PHF14: variants seen among roughly 807,000 people sequenced by gnomAD.
The protein encoded by PHF14 is PHD finger protein 14.
A neutral mutation model predicts 117.9 loss-of-function variants in PHF14; 55 were observed. The ratio of observed to expected loss-of-function variants is 0.47; its 90% CI spans 0.38 to 0.58. PHF14 has a LOEUF of 0.58. Among genes scored for constraint, PHF14 ranks in the 20% least tolerant of loss-of-function variants. PHF14 has a pLI of 0.00. For missense variants in PHF14, 978 were observed against 1,122.2 expected, an observed-to-expected ratio of 0.87 and a Z score of 1.84; for synonymous variants, 409 against 368.6, an observed-to-expected ratio of 1.11 and a Z score of -1.26.
intron 16 of PHF14, chr7:11,104,633 A>G (rs1453594625): frequency 5.1e-6 from 5 of 982,722 alleles, no homozygotes; most frequent in East Asian, 1.1e-4. Flanking sequence ...AAATACAGGA[A>G]GAATGACATA....
At chr7:11,039,326 A>G (rs1245233304) in intron 11 of PHF14, among the ~76,000 whole-genome samples, 1 of 152,044 alleles carries the variant, frequency 6.6e-6, no homozygotes, top group Non-Finnish European at 1.5e-5. Context: ...TTTCAGCTGT[A>G]TAAGAGATGG....
intron 4 of PHF14, among the ~76,000 whole-genome samples, chr7:10,994,163 G>A (rs1037353134): frequency 1.3e-5 from 2 of 151,974 alleles, no homozygotes; most frequent in Non-Finnish European, 2.9e-5. Context: ...TCTCAGCCAA[G>A]CACAATGGCC....
At chr7:11,159,995 G>A (rs1788976567) in intron 17 of PHF14, among the ~76,000 whole-genome samples, 1 of 152,118 alleles carries the variant, frequency 6.6e-6, no homozygotes, top group Non-Finnish European at 1.5e-5. Context: ...GAGTTTTGGG[G>A]TGTGATTCAT....
At chr7:11,143,638 G>T (rs1788460300) in intron 17 of PHF14, among the ~76,000 whole-genome samples, 1 of 151,992 alleles carries the variant, frequency 6.6e-6, no homozygotes, top group Non-Finnish European at 1.5e-5. Context: ...CTTGCATATT[G>T]GTGTATGTTT....
intron 13 of PHF14, among the ~76,000 whole-genome samples, chr7:11,047,740 TG>T (rs1784718395): frequency 3.4e-5 from 5 of 149,126 alleles, no homozygotes; most frequent in Admixed American, 3.4e-4. Context: ...GAGCTGAGAT[TG>T]CGCCAGTGCT....
At chr7:10,986,041 T>C (rs1158832767) in intron 3 of PHF14, among the ~76,000 whole-genome samples, 1 of 152,140 alleles carries the variant, frequency 6.6e-6, no homozygotes, top group Admixed American at 6.5e-5. Context: ...TGATCATGGC[T>C]AACTGCAGCT....
intron 6 of PHF14, among the ~76,000 whole-genome samples, chr7:11,024,745 T>C (rs1783853106): frequency 6.6e-6 from 1 of 152,222 alleles, no homozygotes; most frequent in Non-Finnish European, 1.5e-5. Flanking sequence ...TTCAAAAGAT[T>C]ACTGCTTATC....
chr7:11,109,158 T>C (rs989949353), intron 16 of PHF14: 1 of 151,818 alleles, frequency 6.6e-6, no homozygotes, highest in African/African-American at 2.4e-5. Flanking sequence ...GTTTTAGTGG[T>C]CTGGTTTCTG....
intron 16 of PHF14, among the ~76,000 whole-genome samples, chr7:11,070,665 C>T (rs1785586001): frequency 6.6e-6 from 1 of 152,212 alleles, no homozygotes; most frequent in African/African-American, 2.4e-5. Flanking sequence ...AATCCCATGT[C>T]ATGCTGTGAT....
At chr7:10,996,625 A>G (rs147645544) in intron 4 of PHF14, among the ~76,000 whole-genome samples, 1 of 152,358 alleles carries the variant, frequency 6.6e-6, no homozygotes, top group East Asian at 1.9e-4. Flanking sequence ...AAATGTTTAT[A>G]TCACATGATT....
intron 4 of PHF14, chr7:11,006,344 T>C (rs911551308): frequency 1.6e-5 from 7 of 432,432 alleles, no homozygotes; most frequent in African/African-American, 4.1e-5. Flanking sequence ...TTCTTTTCTT[T>C]TTTTTTCTGG....
At chr7:11,141,567 T>C (rs6945716) in intron 17 of PHF14, among the ~76,000 whole-genome samples, 5 of 152,124 alleles carry the variant, frequency 3.3e-5, no homozygotes, top group African/African-American at 1.2e-4. Flanking sequence ...TATAAATTAT[T>C]TTAAAATGTT....
intron 3 of PHF14, among the ~76,000 whole-genome samples, chr7:10,983,501 G>C (rs1782115285): frequency 6.6e-6 from 1 of 152,100 alleles, no homozygotes; most frequent in Non-Finnish European, 1.5e-5. Flanking sequence ...GGTGCTGAGT[G>C]CATTATGAAA....
intron 6 of PHF14, among the ~76,000 whole-genome samples, chr7:11,025,743 C>T (rs1010174096): frequency 2.0e-5 from 3 of 151,788 alleles, no homozygotes; most frequent in Non-Finnish European, 4.4e-5. Context: ...TGCAGTGAGC[C>T]GAGATCGTGC....
chr7:11,122,107 G>A (rs78923238), intron 17 of PHF14, among the ~76,000 whole-genome samples: 2 of 151,016 alleles, frequency 1.3e-5, no homozygotes, highest in Non-Finnish European at 2.9e-5. Flanking sequence ...TGAGAACATG[G>A]GGTGTTTGGT....
chr7:11,103,802 T>C (rs1787170589), intron 16 of PHF14: 2 of 984,708 alleles, frequency 2.0e-6, no homozygotes, highest in Non-Finnish European at 2.4e-6. Flanking sequence ...TTGGATGAGA[T>C]GTTTGATAAA....
rs761935905 is a variant in PHF14 at position 11,028,825 on chromosome 7, T to G, written c.1455+7T>G. On this transcript the variant is annotated splice_region_variant and intron_variant, in intron 7 of 17. Coordinates refer to ENST00000634607, the MANE Select transcript of PHF14 (RefSeq NM_001007157.2). ...AGAGGCAGCGGCGGAAGAGGTAGGTTTATTTAAACCCATAGTTGGTGAACA... is the reference window on the plus strand; with the variant it reads ...AGAGGCAGCGGCGGAAGAGGTAGGTGTATTTAAACCCATAGTTGGTGAACA... 4.3e-6 allele frequency: 7 copies of G among 1,612,648 alleles called. No individual in the cohort carries two copies. In the African/African-American group the frequency reaches 6.7e-5, roughly 15 times the overall value.
chr7:11,076,567 C>CTTTTTTTTTTTTTTTTTT (rs71023886), intron 16 of PHF14, among the ~76,000 whole-genome samples: 1 of 124,756 alleles, frequency 8.0e-6, no homozygotes. Flanking sequence ...TTTTCTTTTT[C>CTTTTTTTTTTTTTTTTTT]TTTTTTTTTT....
At chr7:11,144,629 T>A (rs1472989932) in intron 17 of PHF14, among the ~76,000 whole-genome samples, 2 of 149,382 alleles carry the variant, frequency 1.3e-5, no homozygotes, top group African/African-American at 4.9e-5. Context: ...TTATATTTAC[T>A]AATGTTCCTA....
Sources: gnomAD v4.1 joint callset for allele counts (sites outside exome capture counted in the v4.1 genomes callset) on GRCh38, gnomAD v4.1.1 for gene constraint, MANE v1.5 for transcripts, NCBI Gene and HGNC (gene_info 2026-07-23, HGNC 2026-07-21) for gene names.